The following GTSE1 variants were observed in gnomAD, a reference collection of about 807,000 sequenced individuals.
GTSE1 encodes the protein G2 and S phase-expressed protein 1.
Under a neutral mutation model 60.5 loss-of-function variants are expected in GTSE1, and 52 were observed. The observed-to-expected ratio is 0.86, with a 90% CI of 0.69 to 1.08. The LOEUF (loss-of-function observed/expected upper bound fraction) is 1.08. Among genes scored for constraint, GTSE1 ranks in the 50% least tolerant of loss-of-function variants. The pLI is 0.00. For missense variants in GTSE1, 937 were observed against 961.8 expected (o/e 0.97, Z 0.34); for synonymous variants, 368 against 386.5 (o/e 0.95, Z 0.56).
In GTSE1 at chr22:46,318,793, G is replaced by A. The variant is rs1283919727; in HGVS notation, c.1432+2381G>A. 6.6e-6 allele frequency among the ~76,000 whole-genome samples: 1 copy of A among 152,142 alleles called. No homozygotes were observed. Among genetic ancestry groups the A allele is most frequent in the Non-Finnish European group, 1.5e-5 (1 of 68,034 alleles). On this transcript the variant is annotated intron_variant, in intron 7 of 11. Coordinates refer to ENST00000454366, the MANE Select transcript of GTSE1 (RefSeq NM_016426.7). This position sits in a 1 kb window ranked among gnomAD's most constrained non-coding sequence, Gnocchi z 4.8. ...GCTGCGGTCGGGATTCTGCGTAGAC[G>A]TGCGACAGCTGGTCAGTACTCCTTG...
intron 7 of GTSE1, among the ~76,000 whole-genome samples, chr22:46,322,180 G>T (rs1432626609): frequency 6.6e-6 from 1 of 152,050 alleles, no homozygotes; most frequent in Non-Finnish European, 1.5e-5. Context: ...TGGGACAGGA[G>T]CTTGGGTGCA....
At chr22:46,301,741 G>A (rs1283778721) in intron 2 of GTSE1, among the ~76,000 whole-genome samples, 1 of 151,860 alleles carries the variant, frequency 6.6e-6, no homozygotes, top group Non-Finnish European at 1.5e-5. Flanking sequence ...CACCCGCCTC[G>A]ACCTTCCAAA....
intron 2 of GTSE1, among the ~76,000 whole-genome samples, chr22:46,306,488 T>C (rs566471170): frequency 6.0e-5 from 9 of 150,888 alleles, no homozygotes; most frequent in Non-Finnish European, 1.0e-4. Context: ...GCCTGTTTTG[T>C]TTTGTTTTCT....
chr22:46,308,186 A>C lies in GTSE1; in HGVS notation c.116A>C (p.Asp39Ala), dbSNP rs1484391202. ...LLLADEKFDF[D>A]LSLSSSSANE... Reference sequence around the variant, plus strand: ...TTGGCCGATGAAAAATTTGACTTCGATCTTTCATTGTCTTCTTCGAGGTAA... The same window carrying C: ...TTGGCCGATGAAAAATTTGACTTCGCTCTTTCATTGTCTTCTTCGAGGTAA... Residue 39 changes from aspartate (D) to alanine (A), a missense_variant, in exon 3 of 12, where the codon GAT becomes GCT. Physicochemically the swap from Asp to Ala is moderately radical, Grantham distance 126 (BLOSUM62 -2). Coordinates refer to ENST00000454366, the MANE Select transcript of GTSE1 (RefSeq NM_016426.7). 9 of 1,613,382 alleles carry C rather than the reference A, an allele frequency of 5.6e-6. No homozygotes were observed. Among genetic ancestry groups the C allele is most frequent in the Non-Finnish European group, 7.6e-6 (9 of 1,179,492 alleles).
Position 46,308,196 on chromosome 22 carries a change from G to A in GTSE1, c.126G>A (p.Leu42=). ...ADEKFDFDLS[L]SSSSANEDDE... is the part of the protein sequence containing the mutation. The stretch of plus-strand genomic sequence containing the variant: ...AAAAATTTGACTTCGATCTTTCATT[G>A]TCTTCTTCGAGGTAAACAAATGAGT... The change falls in exon 3 of 12, where the codon TTG becomes TTA. Residue 42 remains leucine (L), a synonymous_variant. Transcript: ENST00000454366. 1 of 1,613,152 alleles carries A rather than the reference G, an allele frequency of 6.2e-7. No homozygotes were observed. Among genetic ancestry groups the A allele is most frequent in the South Asian group, 1.1e-5 (1 of 91,032 alleles).
Position 46,308,427 on chromosome 22 carries a change from C to G in GTSE1, c.246C>G (p.Pro82=), listed in dbSNP as rs758512027. 1 of 1,614,184 alleles carries G rather than the reference C, an allele frequency of 6.2e-7. No homozygotes were observed. Reference sequence around the variant, plus strand: ...CGGTTCCCGAACAGCCTCCGTTGCCCACATCTGAGAGTCCCTTTGCCTGGA... The same window carrying G: ...CGGTTCCCGAACAGCCTCCGTTGCCGACATCTGAGAGTCCCTTTGCCTGGA... ...NNPVPEQPPL[P]TSESPFAWSP... is the part of the protein sequence containing the mutation. Residue 82 remains proline, a synonymous_variant, in exon 4 of 12, where the codon CCC becomes CCG. Transcript: ENST00000454366.
At position 46,314,868 on chromosome 22, in the gene GTSE1, T is replaced by A. The variant is rs1411722403; in HGVS notation, c.1051+855T>A. On this transcript the variant is annotated intron_variant, in intron 6 of 11. Coordinates refer to ENST00000454366, the MANE Select transcript of GTSE1 (RefSeq NM_016426.7). This position sits in a 1 kb window ranked among gnomAD's most constrained non-coding sequence, Gnocchi z 7.1. ...TCCGTCTCAAAAAAAAAAAAAAAAATGATAAGTGTGAACTCTCTAATCAGA... is the reference window on the plus strand; with the variant it reads ...TCCGTCTCAAAAAAAAAAAAAAAAAAGATAAGTGTGAACTCTCTAATCAGA... Among the ~76,000 whole-genome samples, 5 of 146,442 alleles carry A rather than the reference T, an allele frequency of 3.4e-5. No individual in the cohort carries two copies. The highest frequency in any genetic ancestry group is 2.0e-4 in the East Asian group (1 of 5,062).
intron 9 of GTSE1, 61 bp from the exon 10 acceptor site, chr22:46,328,627 A>G: frequency 2.2e-6 from 3 of 1,336,532 alleles, no homozygotes; most frequent in South Asian, 1.2e-5. Flanking sequence ...TGCTTCCCAC[A>G]TCAGCCAAGT....
At chr22:46,299,706 C>T (rs114895713) in intron 2 of GTSE1, among the ~76,000 whole-genome samples, 1,680 of 152,336 alleles carry the variant, frequency 0.011, 37 homozygotes, top group African/African-American at 0.038. Context: ...GGGATATTAT[C>T]TGCTTCCTTT....
In GTSE1 at chr22:46,314,602, G is replaced by A. The variant is rs1214613945; in HGVS notation, c.1051+589G>A. On this transcript the variant is annotated intron_variant, in intron 6 of 11. Coordinates refer to ENST00000454366, the MANE Select transcript of GTSE1 (RefSeq NM_016426.7). The surrounding 1 kb of genome is among the most constrained non-coding windows in gnomAD (Gnocchi z 7.1). ...ACAAAATGTAAAAAGTGGGCCGGGC[G>A]CAGGGGCTCACGCCTGTGATCCCAG... Among the ~76,000 whole-genome samples, 1 of 152,284 alleles carries A rather than the reference G, an allele frequency of 6.6e-6. No individual in the cohort carries two copies. Among genetic ancestry groups the A allele is most frequent in the East Asian group, 1.9e-4 (1 of 5,158 alleles).
At chr22:46,312,431 G>A (rs2077754173) in intron 5 of GTSE1, 126 bp downstream of exon 5, 2 of 860,378 alleles carry the variant, frequency 2.3e-6, no homozygotes, top group South Asian at 1.8e-5. Flanking sequence ...CTTGAGCCCA[G>A]GAGTTCAAGA....
At position 46,313,878 on chromosome 22, in the gene GTSE1, A is replaced by G; in HGVS notation, c.928-12A>G. ...ATCTTTGCTGATTCTGTTTTTTCACATTTTGCCCCAGTTGGGGCTGAAGAA... is the reference window on the plus strand; with the variant it reads ...ATCTTTGCTGATTCTGTTTTTTCACGTTTTGCCCCAGTTGGGGCTGAAGAA... On this transcript the variant is annotated splice_polypyrimidine_tract_variant and intron_variant, in intron 5 of 11. Transcript: ENST00000454366. This position sits in a 1 kb window ranked among gnomAD's most constrained non-coding sequence, Gnocchi z 4.4. 3.1e-6 allele frequency: 5 copies of G among 1,613,816 alleles called. No homozygotes were observed. Among genetic ancestry groups the G allele is most frequent in the Non-Finnish European group, 4.2e-6 (5 of 1,179,830 alleles).
intron 2 of GTSE1, among the ~76,000 whole-genome samples, chr22:46,302,273 T>C (rs964728998): frequency 3.3e-5 from 5 of 152,254 alleles, no homozygotes; most frequent in Non-Finnish European, 7.3e-5. Flanking sequence ...CTTTATGAAC[T>C]GAGTTGCAAA....
At chr22:46,323,928 G>A (rs1240717438) in intron 8 of GTSE1, among the ~76,000 whole-genome samples, 5 of 151,720 alleles carry the variant, frequency 3.3e-5, no homozygotes, top group Non-Finnish European at 5.9e-5. Context: ...TCCTGGCCTC[G>A]TGATCCGCCC....
chr22:46,305,778 G>A (rs898450319), intron 2 of GTSE1, among the ~76,000 whole-genome samples: 12 of 150,786 alleles, frequency 8.0e-5, no homozygotes, highest in South Asian at 6.3e-4. Context: ...GTGGTGGCGC[G>A]CGCCTGTAAT....
Position 46,310,824 on chromosome 22 carries a change from G to A in GTSE1, c.763-1317G>A, listed in dbSNP as rs2077743998. 6.6e-6 allele frequency among the ~76,000 whole-genome samples: 1 copy of A among 152,158 alleles called. No homozygotes were observed. ...GCACACCTGTAATCCCAGCTACTTGGGAGGCTGAGGCAGGAGAATCGCCTG... is the reference window on the plus strand; with the variant it reads ...GCACACCTGTAATCCCAGCTACTTGAGAGGCTGAGGCAGGAGAATCGCCTG... On this transcript the variant is annotated intron_variant, in intron 4 of 11. Coordinates refer to ENST00000454366, the MANE Select transcript of GTSE1 (RefSeq NM_016426.7). The surrounding 1 kb of genome is among the most constrained non-coding windows in gnomAD (Gnocchi z 4.4).
rs1253293792 is a variant in GTSE1 at position 46,318,027 on chromosome 22, C to T, written c.1432+1615C>T. On this transcript the variant is annotated intron_variant, in intron 7 of 11. Coordinates refer to ENST00000454366, the MANE Select transcript of GTSE1 (RefSeq NM_016426.7). The surrounding 1 kb of genome is among the most constrained non-coding windows in gnomAD (Gnocchi z 4.8). ...CCTAGAGCTCGTTCTGTCGGAGTAG[C>T]CCCCTCCTCTCTAGTTTCTGGCCCT... 2.6e-5 allele frequency among the ~76,000 whole-genome samples: 4 copies of T among 152,244 alleles called. No individual in the cohort carries two copies. Among genetic ancestry groups the T allele is most frequent in the Admixed American group, 1.3e-4 (2 of 15,278 alleles).
Position 46,323,194 on chromosome 22 carries a change from C to T in GTSE1, c.1437C>T (p.Asp479=). Residue 479 remains aspartate, a synonymous_variant, in exon 8 of 12, where the codon GAC becomes GAT. Transcript: ENST00000454366. The part of the protein sequence containing the change: ...QFKIPKFSIG[D]SPDSSTPKLS... Reference sequence around the variant, plus strand: ...CACTTCCTTTCTTGGACTTAGGTGACTCCCCGGACAGCTCAACACCAAAGC... The same window carrying T: ...CACTTCCTTTCTTGGACTTAGGTGATTCCCCGGACAGCTCAACACCAAAGC... 1 of 1,612,354 alleles carries T rather than the reference C, an allele frequency of 6.2e-7. No homozygotes were observed. The highest frequency in any genetic ancestry group is 1.3e-5 in the African/African-American group (1 of 74,998).
At position 46,326,371 on chromosome 22, in the gene GTSE1, T is replaced by G. The variant is rs866456436; in HGVS notation, c.1506-65T>G. ...CCCTCAGCACTGCATTAGCACAGGC[T>G]GAATGATGAGATCTTACTTTTTCTA... On this transcript the variant is annotated intron_variant, in intron 8 of 11. Coordinates refer to ENST00000454366, the MANE Select transcript of GTSE1 (RefSeq NM_016426.7). The G allele has an allele frequency of 1.2e-5, 17 of 1,365,936 alleles. No individual in the cohort carries two copies. In the Middle Eastern group the frequency reaches 9.5e-4, roughly 77 times the overall value. 84.6% of individuals were successfully genotyped at this position (1,365,936 alleles called of 1,614,324 possible).
Sources: allele counts gnomAD v4.1 joint callset (sites outside exome capture counted in the v4.1 genomes callset), GRCh38; gene constraint gnomAD v4.1.1; non-coding constraint Gnocchi (gnomAD v3.1); transcripts MANE v1.5; gene names NCBI Gene and HGNC (gene_info 2026-07-23, HGNC 2026-07-21).